The following SEMA5A variants were observed in gnomAD, a reference collection of about 807,000 sequenced individuals.
The protein encoded by SEMA5A is semaphorin-5A.
In SEMA5A, 55 loss-of-function variants were observed where a neutral mutation model predicts 135.5. That is an observed-to-expected ratio of 0.41 (90% CI 0.33 to 0.51). SEMA5A has a LOEUF of 0.51. Among genes scored for constraint, SEMA5A ranks in the 20% least tolerant of loss-of-function variants. The pLI is 0.37. For synonymous variants in SEMA5A, 580 were observed against 546.5 expected, an observed-to-expected ratio of 1.06 and a Z score of -0.85; for missense variants, 1,290 against 1,419.9, an observed-to-expected ratio of 0.91 and a Z score of 1.47.
chr5:9,161,154 T>C (rs540247660), intron 11 of SEMA5A, among the ~76,000 whole-genome samples: 1 of 151,900 alleles, frequency 6.6e-6, no homozygotes, highest in African/African-American at 2.4e-5. Context: ...AATGGGAGTT[T>C]GAATGAAATA....
chr5:9,362,493 G>C (rs1754741162), intron 3 of SEMA5A, among the ~76,000 whole-genome samples: 1 of 152,180 alleles, frequency 6.6e-6, no homozygotes, highest in Non-Finnish European at 1.5e-5. Flanking sequence ...TACGAGGGCA[G>C]AGACACTTAG....
intron 1 of SEMA5A, among the ~76,000 whole-genome samples, chr5:9,459,267 G>T (rs893250864): frequency 6.6e-6 from 1 of 152,186 alleles, no homozygotes; most frequent in Non-Finnish European, 1.5e-5. Context: ...TCCCTTGAGG[G>T]TAGGTGGGAC....
At chr5:9,413,762 A>C (rs433369) in intron 2 of SEMA5A, among the ~76,000 whole-genome samples, 144,677 of 152,220 alleles carry the variant, frequency 0.95, 68,794 homozygotes, top group East Asian at 1. Context: ...TTTTTGTTAT[A>C]CATAGACAAC....
rs564645995 is a variant in SEMA5A, at chr5:9,227,758, G to A, written c.334-791C>T. On this transcript the variant is annotated intron_variant, in intron 6 of 22. Transcript: ENST00000382496. ...GTAGAGACAGGGTTTCACCATGTTA[G>A]TCAGGATGGTCTTGATCTCTTGACC... Among the ~76,000 whole-genome samples, 5 of 152,184 alleles carry A rather than the reference G, an allele frequency of 3.3e-5. No individual in the cohort carries two copies. The South Asian group carries it at 8.3e-4, about 25-fold the overall frequency.
rs568207278 is a variant in SEMA5A at position 9,143,633 on chromosome 5, A to G, written c.1482-7012T>C. Among the ~76,000 whole-genome samples, 3 of 152,350 alleles carry G rather than the reference A, an allele frequency of 2.0e-5. No individual in the cohort carries two copies. The East Asian group carries it at 5.8e-4, about 29-fold the overall frequency. On this transcript the variant is annotated intron_variant, in intron 12 of 22. Transcript: ENST00000382496. ...ACAGTAAAGCATTTCAGGAAAATTG[A>G]TAATTTAAAAAACAGTGATGGGATT...
chr5:9,154,782 G>A, intron 11 of SEMA5A, 87 bp from the exon 12 acceptor site: 3 of 1,166,614 alleles, frequency 2.6e-6, no homozygotes, highest in Non-Finnish European at 3.8e-6. Flanking sequence ...TGTGTATGCA[G>A]CCATGGATCT....
intron 2 of SEMA5A, among the ~76,000 whole-genome samples, chr5:9,409,067 C>T (rs1251127129): frequency 6.6e-6 from 1 of 152,130 alleles, no homozygotes; most frequent in African/African-American, 2.4e-5. Context: ...CCAAGTAACA[C>T]TGAATTAGTT....
At position 9,199,888 on chromosome 5, in the gene SEMA5A, G is replaced by A. The variant is rs571504849; in HGVS notation, c.932+2067C>T. On this transcript the variant is annotated intron_variant, in intron 9 of 22. Transcript: ENST00000382496. ...AAGTGACTGAGAAAACTACACAGTC[G>A]TGCTAGGAACAGAAGGAGTCGGAAT... Among the ~76,000 whole-genome samples, 19 of 152,260 alleles carry A rather than the reference G, an allele frequency of 1.2e-4. No homozygotes were observed. The South Asian group carries it at 2.1e-3, about 17-fold the overall frequency.
At chr5:9,308,275 C>T (rs1205122629) in intron 5 of SEMA5A, among the ~76,000 whole-genome samples, 1 of 152,146 alleles carries the variant, frequency 6.6e-6, no homozygotes, top group East Asian at 1.9e-4. Context: ...TGGAGAATTG[C>T]TCCTGGTTAA....
intron 15 of SEMA5A, among the ~76,000 whole-genome samples, chr5:9,117,163 C>T (rs753266909): frequency 1.7e-4 from 26 of 152,178 alleles, no homozygotes; most frequent in Non-Finnish European, 2.5e-4. Context: ...TTGAAGACAC[C>T]GCTGTATCTT....
At chr5:9,338,811 T>C (rs956627626) in intron 3 of SEMA5A, among the ~76,000 whole-genome samples, 5 of 152,190 alleles carry the variant, frequency 3.3e-5, no homozygotes, top group Admixed American at 1.3e-4. Context: ...ATCAGTGTTA[T>C]GTTTTTAATG....
In SEMA5A at chr5:9,207,110, A is replaced by ATATATATATATATG. The variant is rs1375009943; in HGVS notation, c.647-4871_647-4870insCATATATATATATA. Among the ~76,000 whole-genome samples the ATATATATATATATG allele has an allele frequency of 2.3e-4, 10 of 42,558 alleles. 1 individual carries two copies. The highest frequency in any genetic ancestry group is 9.0e-4 in the South Asian group (1 of 1,110). 27.9% of individuals were successfully genotyped at this position (42,558 alleles called of 152,430 possible). ...ATAATGAATGATCAAGTGTATATATATATATATATATATATATATATATAA... is the reference window on the plus strand; with the variant it reads ...ATAATGAATGATCAAGTGTATATATATATATATATATATGTATATATATATATATATATATATAA... On this transcript the variant is annotated intron_variant, in intron 8 of 22. Transcript: ENST00000382496.
chr5:9,250,938 C>T (rs892984358), intron 5 of SEMA5A, among the ~76,000 whole-genome samples: 1 of 152,092 alleles, frequency 6.6e-6, no homozygotes, highest in Non-Finnish European at 1.5e-5. Flanking sequence ...TTTTCACATG[C>T]TATGGTTTTA....
chr5:9,244,980 G>A (rs911912402), intron 5 of SEMA5A, among the ~76,000 whole-genome samples: 13 of 152,110 alleles, frequency 8.5e-5, no homozygotes, highest in Admixed American at 6.5e-4. Flanking sequence ...AGTAGACAAC[G>A]TTTTTTTAAG....
At chr5:9,436,540 G>T (rs1758038838) in intron 2 of SEMA5A, among the ~76,000 whole-genome samples, 2 of 152,106 alleles carry the variant, frequency 1.3e-5, no homozygotes, top group African/African-American at 2.4e-5. Context: ...ACGAAGCCAG[G>T]GACTGGTAAC....
intron 1 of SEMA5A, among the ~76,000 whole-genome samples, chr5:9,445,540 G>C (rs1758402225): frequency 6.6e-6 from 1 of 152,036 alleles, no homozygotes; most frequent in African/African-American, 2.4e-5. Context: ...GTGGTGGCGG[G>C]TGCCTGTAGT....
chr5:9,341,362 A>G (rs1035977333), intron 3 of SEMA5A, among the ~76,000 whole-genome samples: 1 of 152,064 alleles, frequency 6.6e-6, no homozygotes, highest in African/African-American at 2.4e-5. Context: ...AACGTCATCA[A>G]TACTGCTTTC....
intron 11 of SEMA5A, among the ~76,000 whole-genome samples, chr5:9,182,156 A>C (rs2428655): frequency 0.55 from 59,320 of 107,330 alleles, 13,919 homozygotes; most frequent in East Asian, 0.64. Flanking sequence ...TCTGCCCCCC[A>C]CCCCAAAAAA....
intron 5 of SEMA5A, among the ~76,000 whole-genome samples, chr5:9,303,129 T>G (rs928433835): frequency 1.3e-5 from 2 of 151,090 alleles, no homozygotes; most frequent in Non-Finnish European, 3.0e-5. Flanking sequence ...ATTTTTTTTT[T>G]TTTTTGAGAC....
Sources: gnomAD v4.1 joint callset for allele counts (sites outside exome capture counted in the v4.1 genomes callset) on GRCh38, gnomAD v4.1.1 for gene constraint, MANE v1.5 for transcripts, NCBI Gene and HGNC (gene_info 2026-07-23, HGNC 2026-07-21) for gene names.